Variants in RBFOX1 observed in about 807,000 individuals in gnomAD.
RBFOX1 encodes the protein RNA binding protein fox-1 homolog 1.
In RBFOX1, 8 loss-of-function variants were observed where a neutral mutation model predicts 57.7. That is an observed-to-expected ratio of 0.14 (90% CI 0.08 to 0.25). The LOEUF (loss-of-function observed/expected upper bound fraction) is 0.25. Among genes scored for constraint, RBFOX1 ranks in the 10% least tolerant of loss-of-function variants. The pLI is 1.00. For synonymous variants in RBFOX1, 326 were observed against 222.4 expected (o/e 1.47, Z -4.15); for missense variants, 611 against 548.5 (o/e 1.11, Z -1.14).
intron 2 of RBFOX1, among the ~76,000 whole-genome samples, chr16:6,645,889 C>A (rs1418292425): frequency 6.6e-6 from 1 of 152,114 alleles, no homozygotes; most frequent in African/African-American, 2.4e-5. Context: ...ACTCGGCCTC[C>A]TTGTGCAGAG....
chr16:6,264,491 A>G (rs2097721066), intron 1 of RBFOX1, among the ~76,000 whole-genome samples: 1 of 152,194 alleles, frequency 6.6e-6, no homozygotes, highest in South Asian at 2.1e-4. Context: ...GTGAGTGATC[A>G]GATTGCATCA....
chr16:6,518,797 G>GTCTGTCTA (rs1278136972), intron 2 of RBFOX1, among the ~76,000 whole-genome samples: 2,647 of 103,988 alleles, frequency 0.025, 30 homozygotes, highest in East Asian at 0.046. Context: ...CTGTGTGTCT[G>GTCTGTCTA]TCTATCTATC....
intron 3 of RBFOX1, among the ~76,000 whole-genome samples, chr16:6,898,660 C>G (rs139103965): frequency 6.6e-6 from 1 of 152,030 alleles, no homozygotes; most frequent in East Asian, 1.9e-4. Context: ...TAATTCAGCT[C>G]TGAGTTTCTG....
intron 1 of RBFOX1, among the ~76,000 whole-genome samples, chr16:6,274,239 C>G (rs2075547564): frequency 6.6e-6 from 1 of 152,168 alleles, no homozygotes; most frequent in Non-Finnish European, 1.5e-5. Context: ...TCACACAAAA[C>G]CTGTTCACCA....
intron 1 of RBFOX1, among the ~76,000 whole-genome samples, chr16:6,233,447 C>T (rs2097481381): frequency 6.6e-6 from 1 of 152,054 alleles, no homozygotes; most frequent in Non-Finnish European, 1.5e-5. Flanking sequence ...ACCCAAACAG[C>T]CTGATTATAT....
chr16:6,795,917 A>G (rs951636083), intron 3 of RBFOX1, among the ~76,000 whole-genome samples: 1 of 151,982 alleles, frequency 6.6e-6, no homozygotes, highest in Non-Finnish European at 1.5e-5. Context: ...TATTGTGTTT[A>G]CCTGTCAGTG....
At chr16:6,969,785 C>G (rs1051047463) in intron 3 of RBFOX1, among the ~76,000 whole-genome samples, 3 of 151,934 alleles carry the variant, frequency 2.0e-5, no homozygotes, top group Non-Finnish European at 2.9e-5. Context: ...TTGCTGAGCT[C>G]TCTGGTGCCC....
chr16:6,792,119 C>G (rs1603624454), intron 3 of RBFOX1, among the ~76,000 whole-genome samples: 1 of 152,180 alleles, frequency 6.6e-6, no homozygotes, highest in East Asian at 1.9e-4. Context: ...AATTATATCA[C>G]ATAAATAGAA....
intron 1 of RBFOX1, among the ~76,000 whole-genome samples, chr16:6,247,161 T>C (rs1036546407): frequency 3.3e-5 from 5 of 152,192 alleles, no homozygotes; most frequent in Non-Finnish European, 7.3e-5. Flanking sequence ...ATAGCTACTA[T>C]AACAATTAAA....
chr16:7,400,944 G>A (rs972808129), intron 4 of RBFOX1, among the ~76,000 whole-genome samples: 2 of 152,168 alleles, frequency 1.3e-5, no homozygotes, highest in African/African-American at 4.8e-5. Context: ...TACCACCACG[G>A]TATTTTATTT....
intron 4 of RBFOX1, among the ~76,000 whole-genome samples, chr16:7,181,237 C>G (rs2082635807): frequency 6.6e-6 from 1 of 152,116 alleles, no homozygotes; most frequent in African/African-American, 2.4e-5. Context: ...AACTGCTATG[C>G]CCCGATGAGC....
intron 3 of RBFOX1, among the ~76,000 whole-genome samples, chr16:6,896,119 A>G (rs1179535803): frequency 6.6e-6 from 1 of 152,082 alleles, no homozygotes; most frequent in African/African-American, 2.4e-5. Flanking sequence ...TTAAAACTAC[A>G]AATATTAGCT....
chr16:7,199,212 G>T (rs1440929617), intron 4 of RBFOX1, among the ~76,000 whole-genome samples: 1 of 152,120 alleles, frequency 6.6e-6, no homozygotes, highest in Non-Finnish European at 1.5e-5. Flanking sequence ...CATAGAGGGG[G>T]ACATTTTAAG....
chr16:5,462,089 A>C (rs770220172), intron 1 of RBFOX1, among the ~76,000 whole-genome samples: 17 of 151,980 alleles, frequency 1.1e-4, no homozygotes, highest in Non-Finnish European at 2.2e-4. Flanking sequence ...GTCTCTTTTC[A>C]ACAAAAGGTG....
intron 3 of RBFOX1, among the ~76,000 whole-genome samples, chr16:6,772,712 G>C (rs530936914): frequency 6.7e-6 from 1 of 149,780 alleles, no homozygotes; most frequent in Non-Finnish European, 1.5e-5. Context: ...GGATGCATTT[G>C]TATGTGTGTG....
chr16:6,957,792 G>C (rs993476168), intron 3 of RBFOX1, among the ~76,000 whole-genome samples: 1 of 152,110 alleles, frequency 6.6e-6, no homozygotes, highest in Non-Finnish European at 1.5e-5. Context: ...GGATACCTTA[G>C]GGAAAGCCAG....
intron 3 of RBFOX1, among the ~76,000 whole-genome samples, chr16:6,970,018 T>A (rs1006032812): frequency 1.3e-5 from 2 of 151,760 alleles, no homozygotes; most frequent in Non-Finnish European, 2.9e-5. Flanking sequence ...CAAGACCCCA[T>A]TTAAAAAAAA....
chr16:5,410,732 A>C (rs1193262724), intron 1 of RBFOX1, among the ~76,000 whole-genome samples: 2 of 152,210 alleles, frequency 1.3e-5, no homozygotes, highest in African/African-American at 4.8e-5. Flanking sequence ...CCTCTGAGCC[A>C]CTGCTCCAGC....
intron 1 of RBFOX1, among the ~76,000 whole-genome samples, chr16:6,300,493 C>A (rs1243431224): frequency 1.3e-5 from 2 of 152,158 alleles, no homozygotes; most frequent in African/African-American, 4.8e-5. Context: ...AACTACCTAC[C>A]TCACAAAGTT....
Sources: allele counts gnomAD v4.1 joint callset (sites outside exome capture counted in the v4.1 genomes callset), GRCh38; gene constraint gnomAD v4.1.1; transcripts MANE v1.5; gene names NCBI Gene and HGNC (gene_info 2026-07-23, HGNC 2026-07-21).